ZBTB37: variants seen among roughly 807,000 people sequenced by gnomAD.
ZBTB37 encodes zinc finger and BTB domain-containing protein 37.
Under a neutral mutation model 37.7 loss-of-function variants are expected in ZBTB37, and 15 were observed. That is an observed-to-expected ratio of 0.40 (90% CI 0.27 to 0.61). The LOEUF (loss-of-function observed/expected upper bound fraction) is 0.61, where lower values mean the gene tolerates loss of function less well. ZBTB37 is among the 20% of genes least tolerant of loss of function. The probability of loss-of-function intolerance (pLI) is 0.44; values close to 1 mark genes in which losing one functional copy is unlikely to be tolerated. For missense variants in ZBTB37, 514 were observed against 641.9 expected (o/e 0.80, Z 2.15); for synonymous variants, 231 against 220.6 (o/e 1.05, Z -0.42).
chr1:173,873,837 T>C (rs1247041401), intron 4 of ZBTB37, among the ~76,000 whole-genome samples: 2 of 152,330 alleles, frequency 1.3e-5, no homozygotes, highest in Middle Eastern at 6.8e-3. Context: ...TGATAGCTGG[T>C]TTAACATTTT....
intron 4 of ZBTB37, 100 bp downstream of exon 4, chr1:173,873,666 A>G (rs1285726717): frequency 6.6e-7 from 1 of 1,509,396 alleles, no homozygotes; most frequent in Non-Finnish European, 8.9e-7. Context: ...GAGAGGTAAC[A>G]ATGGCCCTGT....
At chr1:173,896,858 G>A (rs1278877278) in exon 4 of ZBTB37, 1 of 152,202 alleles carries the variant, frequency 6.6e-6, no homozygotes, top group Non-Finnish European at 1.5e-5. Context: ...AGCTTAAAAT[G>A]TGTTTCCTCT....
chr1:173,888,246 T>G (rs1425634241), downstream of ZBTB37: 1 of 152,160 alleles, frequency 6.6e-6, no homozygotes, highest in African/African-American at 2.4e-5. Context: ...CCAAAAATCC[T>G]TAGGGAAACA....
chr1:173,868,576 G>A (rs1655194694), intron 1 of ZBTB37, among the ~76,000 whole-genome samples, 171 bp downstream of exon 1: 1 of 152,178 alleles, frequency 6.6e-6, no homozygotes, highest in East Asian at 1.9e-4. Context: ...CCCCCGGCCG[G>A]GCTGATCTGC....
chr1:173,888,383 C>T (rs1656710117), downstream of ZBTB37: 3 of 152,126 alleles, frequency 2.0e-5, no homozygotes, highest in South Asian at 6.2e-4. Flanking sequence ...GTCCATCCTA[C>T]TTTTGAGAAA....
At chr1:173,876,771 C>T (rs1410956393) in intron 4 of ZBTB37, among the ~76,000 whole-genome samples, 2 of 152,052 alleles carry the variant, frequency 1.3e-5, no homozygotes, top group African/African-American at 4.8e-5. Flanking sequence ...CCTTTTTCTC[C>T]TCATCTCTCA....
chr1:173,870,269 G>A (rs1655458289), exon 3 of ZBTB37: 2 of 1,614,046 alleles, frequency 1.2e-6, no homozygotes, highest in South Asian at 1.1e-5. Flanking sequence ...CCTGACTTCA[G>A]CAACTCTGTC....
chr1:173,893,284 TAATC>T (rs916632202), exon 4 of ZBTB37: 3 of 152,246 alleles, frequency 2.0e-5, no homozygotes, highest in Non-Finnish European at 4.4e-5. Context: ...GGATTTCAGT[TAATC>T]CATAATGCCA....
At chr1:173,885,781 G>A in exon 5 of ZBTB37, 1 of 1,551,618 alleles carries the variant, frequency 6.4e-7, no homozygotes, top group Non-Finnish European at 8.7e-7. Context: ...AGCCTGGACC[G>A]CCACATGCGC....
In ZBTB37 at chr1:173,882,883, A is replaced by AT. The variant is rs1436449424; in HGVS notation, c.1024-2751dup. Among the ~76,000 whole-genome samples, 4 of 152,224 alleles carry AT rather than the reference A, an allele frequency of 2.6e-5. No homozygotes were observed. In the East Asian group the frequency reaches 7.7e-4, roughly 29 times the overall value. ...TTCTTAGGGTATTGTTACCCTCAAG[A>AT]TTATAAATAATATGAATTTGTAATG... is the stretch of plus-strand genomic sequence containing the variant. On this transcript the variant is annotated intron_variant, in intron 4 of 4. Coordinates refer to ENST00000427304, the Ensembl canonical transcript of ZBTB37.
At chr1:173,872,655 C>G (rs1479829559) in intron 3 of ZBTB37, among the ~76,000 whole-genome samples, 2 of 152,002 alleles carry the variant, frequency 1.3e-5, no homozygotes, top group East Asian at 1.9e-4. Context: ...ACTTATGTAA[C>G]CAGATACCAC....
exon 3 of ZBTB37, chr1:173,870,248 A>C (rs1424820078): frequency 4.3e-6 from 7 of 1,613,228 alleles, no homozygotes; most frequent in Non-Finnish European, 5.9e-6. Flanking sequence ...GGGAACATAC[A>C]ATTGGAGATT....
At chr1:173,876,992 A>C (rs920740259) in intron 4 of ZBTB37, among the ~76,000 whole-genome samples, 3 of 152,238 alleles carry the variant, frequency 2.0e-5, no homozygotes, top group Non-Finnish European at 4.4e-5. Flanking sequence ...ATAGCATGTT[A>C]CTGTACTGAA....
intron 4 of ZBTB37, among the ~76,000 whole-genome samples, chr1:173,883,700 A>C (rs1156844230): frequency 6.6e-6 from 1 of 152,208 alleles, no homozygotes; most frequent in African/African-American, 2.4e-5. Context: ...TATTAATATG[A>C]AACAAATAAA....
exon 4 of ZBTB37, chr1:173,895,751 A>C (rs956371143): frequency 1.3e-5 from 2 of 152,220 alleles, no homozygotes; most frequent in Non-Finnish European, 2.9e-5. Flanking sequence ...TCTCATTTAA[A>C]ATAACAGATC....
exon 4 of ZBTB37, chr1:173,873,528 C>G: frequency 6.2e-7 from 1 of 1,613,906 alleles, no homozygotes; most frequent in Non-Finnish European, 8.5e-7. Context: ...AAGTGAGTCT[C>G]CTGGGAGAAT....
exon 5 of ZBTB37, chr1:173,885,996 C>T (rs1357640622): frequency 2.6e-6 from 4 of 1,551,770 alleles, no homozygotes; most frequent in Middle Eastern, 1.7e-4. Context: ...GGAGGGGCCT[C>T]ACAGCATCTC....
At chr1:173,900,626 C>G (rs2102768628) in exon 4 of ZBTB37, 1 of 152,306 alleles carries the variant, frequency 6.6e-6, no homozygotes, top group Non-Finnish European at 1.5e-5. Context: ...GTAATTTGAA[C>G]TTCAGTAGGT....
intron 4 of ZBTB37, among the ~76,000 whole-genome samples, chr1:173,882,966 A>G (rs967907919): frequency 2.0e-5 from 3 of 152,230 alleles, no homozygotes; most frequent in Non-Finnish European, 4.4e-5. Context: ...TCAATGCTCA[A>G]AGCAACTAGT....
Sources: gnomAD v4.1 joint callset for allele counts (sites outside exome capture counted in the v4.1 genomes callset) on GRCh38, gnomAD v4.1.1 for gene constraint, MANE v1.5 for transcripts, NCBI Gene and HGNC (gene_info 2026-07-23, HGNC 2026-07-21) for gene names.